C2CD2: variants seen among roughly 807,000 people sequenced by gnomAD.
C2CD2 encodes C2 calcium dependent domain containing 2.
Under a neutral mutation model 74.3 loss-of-function variants are expected in C2CD2, and 43 were observed. The ratio of observed to expected loss-of-function variants is 0.58; its 90% CI spans 0.45 to 0.75. C2CD2 has a LOEUF of 0.75. C2CD2 is among the 30% of genes least tolerant of loss of function. The pLI, the probability that C2CD2 is intolerant of heterozygous loss-of-function variation, is 0.00. For missense variants in C2CD2, 801 were observed against 916.3 expected, an observed-to-expected ratio of 0.87 and a Z score of 1.63; for synonymous variants, 422 against 390.7, an observed-to-expected ratio of 1.08 and a Z score of -0.94.
chr21:41,926,621 G>A lies in C2CD2; in HGVS notation c.379-4536C>T. 2.0e-6 allele frequency: 2 copies of A among 984,652 alleles called. No homozygotes were observed. The highest frequency in any genetic ancestry group is 4.7e-5 in the South Asian group (1 of 21,248). 61.0% of individuals were successfully genotyped at this position (984,652 alleles called of 1,614,324 possible). A position where few individuals can be genotyped will look rare whatever the true frequency, so the allele number is the denominator to read the frequency against. On this transcript the variant is annotated intron_variant, in intron 2 of 13. Coordinates refer to ENST00000380486, the MANE Select transcript of C2CD2 (RefSeq NM_015500.2). The surrounding 1 kb of genome is among the most constrained non-coding windows in gnomAD (Gnocchi z 8.0). ...AACTATTCCTTTGTTTAGACTTGGG[G>A]CCAAAAAATTCCAGGCACAGTTACT...
In C2CD2 at chr21:41,899,208, G is replaced by C. The variant is rs773896544; in HGVS notation, c.1715C>G (p.Pro572Arg). ...EAESAQASLA[P>R]KPQEDELDSW... ...GTCTAGCTCGTCCTCCTGGGGCTTGGGGGCAAGGGATGCCTGGGCTGACTC... is the reference window on the plus strand; with the variant it reads ...GTCTAGCTCGTCCTCCTGGGGCTTGCGGGCAAGGGATGCCTGGGCTGACTC... Residue 572 changes from proline to arginine, a missense_variant, in exon 13 of 14, where the codon CCC becomes CGC. Coordinates refer to ENST00000380486, the MANE Select transcript of C2CD2 (RefSeq NM_015500.2). This position sits in a 1 kb window ranked among gnomAD's most constrained non-coding sequence, Gnocchi z 4.4. 1.2e-6 allele frequency: 2 copies of C among 1,612,300 alleles called. No individual in the cohort carries two copies. Among genetic ancestry groups the C allele is most frequent in the Non-Finnish European group, 1.7e-6 (2 of 1,179,472 alleles).
intron 1 of C2CD2, among the ~76,000 whole-genome samples, chr21:41,946,268 T>A (rs922462829): frequency 1.3e-5 from 2 of 152,138 alleles, no homozygotes; most frequent in African/African-American, 4.8e-5. Context: ...GCAGGAAAGA[T>A]AAAGGAGGTG....
intron 6 of C2CD2, among the ~76,000 whole-genome samples, chr21:41,913,042 G>A (rs1373384236): frequency 1.3e-5 from 2 of 152,216 alleles, no homozygotes; most frequent in Non-Finnish European, 2.9e-5. Context: ...GGGCTCCCAG[G>A]GGGACCCTCC....
chr21:41,901,142 G>A (rs1271302268), intron 12 of C2CD2: 6 of 214,700 alleles, frequency 2.8e-5, no homozygotes, highest in East Asian at 1.1e-4. Context: ...CCCAGAGCGG[G>A]AGAAGGGGGA....
chr21:41,945,497 G>C lies in C2CD2; in HGVS notation c.280-3252C>G, dbSNP rs1378978584. On this transcript the variant is annotated intron_variant, in intron 1 of 13. Coordinates refer to ENST00000380486, the MANE Select transcript of C2CD2 (RefSeq NM_015500.2). The surrounding 1 kb of genome is among the most constrained non-coding windows in gnomAD (Gnocchi z 4.2). ...ATATTTTGTGGAAACATGAAGTAAG[G>C]AAATGAAAAAAAAAAAAAGTGGGCT... is the stretch of plus-strand genomic sequence containing the variant. 6.7e-6 allele frequency among the ~76,000 whole-genome samples: 1 copy of C among 148,324 alleles called. No homozygotes were observed. The highest frequency in any genetic ancestry group is 6.7e-5 in the Admixed American group (1 of 14,902).
Position 41,903,623 on chromosome 21 carries a change from C to T in C2CD2, c.1433-1874G>A, listed in dbSNP as rs918735580. On this transcript the variant is annotated intron_variant, in intron 11 of 13. Coordinates refer to ENST00000380486, the MANE Select transcript of C2CD2 (RefSeq NM_015500.2). The surrounding 1 kb of genome is among the most constrained non-coding windows in gnomAD (Gnocchi z 4.5). Reference sequence around the variant, plus strand: ...CTGGAGAAAGGAGTTGGGGAGGACTCCTTAGGAGAAAGCTGTGCTGTAATT... The same window carrying T: ...CTGGAGAAAGGAGTTGGGGAGGACTTCTTAGGAGAAAGCTGTGCTGTAATT... Among the ~76,000 whole-genome samples, 1 of 152,178 alleles carries T rather than the reference C, an allele frequency of 6.6e-6. No individual in the cohort carries two copies. The highest frequency in any genetic ancestry group is 1.5e-5 in the Non-Finnish European group (1 of 68,022).
At position 41,924,508 on chromosome 21, in the gene C2CD2, G is replaced by A. The variant is rs535760943; in HGVS notation, c.379-2423C>T. On this transcript the variant is annotated intron_variant, in intron 2 of 13. Coordinates refer to ENST00000380486, the MANE Select transcript of C2CD2 (RefSeq NM_015500.2). This position sits in a 1 kb window ranked among gnomAD's most constrained non-coding sequence, Gnocchi z 4.4. ...TTCCATCATCTCCAGAGTTCACAAA[G>A]GGCCAGAACAAAAAAATGTTTGTAT... 6.6e-6 allele frequency among the ~76,000 whole-genome samples: 1 copy of A among 152,180 alleles called. No homozygotes were observed. The highest frequency in any genetic ancestry group is 2.4e-5 in the African/African-American group (1 of 41,522).
chr21:41,948,750 GAAGGTCATTATATAATGCAA>G (rs1271192331), intron 1 of C2CD2, among the ~76,000 whole-genome samples: 1 of 152,044 alleles, frequency 6.6e-6, no homozygotes, highest in Non-Finnish European at 1.5e-5. Flanking sequence ...AGCACAACTG[GAAGGTCATTATATAATGCAA>G]AGACTCTGAA....
At chr21:41,927,690 C>T (rs569785641) in intron 2 of C2CD2, among the ~76,000 whole-genome samples, 10 of 152,134 alleles carry the variant, frequency 6.6e-5, no homozygotes, top group Admixed American at 3.3e-4. Flanking sequence ...AGGCTGGTCC[C>T]GAACTCCTGA....
chr21:41,935,042 C>T (rs2065295101), intron 2 of C2CD2, among the ~76,000 whole-genome samples: 1 of 152,194 alleles, frequency 6.6e-6, no homozygotes, highest in Admixed American at 6.5e-5. Flanking sequence ...CAGGCGTGCA[C>T]CACCATGCTC....
intron 13 of C2CD2, among the ~76,000 whole-genome samples, chr21:41,894,259 T>C (rs1432698462): frequency 1.3e-5 from 2 of 152,208 alleles, no homozygotes; most frequent in Non-Finnish European, 2.9e-5. Context: ...GGAGGCCTGA[T>C]CCCTACCATT....
At chr21:41,904,669 A>T (rs942991629) in intron 11 of C2CD2, among the ~76,000 whole-genome samples, 1 of 152,194 alleles carries the variant, frequency 6.6e-6, no homozygotes, top group Non-Finnish European at 1.5e-5. Context: ...GGAGGCAGTT[A>T]TGAACTTTCA....
rs538269676 is a variant in C2CD2, at chr21:41,886,987, A to T, written c.*2137T>A. 7 of 152,300 alleles carry T rather than the reference A, an allele frequency of 4.6e-5. No homozygotes were observed. Among genetic ancestry groups the T allele is most frequent in the African/African-American group, 7.2e-5 (3 of 41,556 alleles). 9.4% of individuals were successfully genotyped at this position (152,300 alleles called of 1,614,324 possible). On this transcript the variant is annotated 3_prime_UTR_variant, in exon 14 of 14. Coordinates refer to ENST00000380486, the MANE Select transcript of C2CD2 (RefSeq NM_015500.2). ...CTCCATCTCGAAAAAAAAATTTTTT[A>T]AATAAAAAAAAACTTCTGATATCCT... is the stretch of plus-strand genomic sequence containing the variant.
chr21:41,912,269 G>T, intron 7 of C2CD2, 63 bp downstream of exon 7: 1 of 953,392 alleles, frequency 1.0e-6, no homozygotes. Context: ...ATGATTTCAG[G>T]ATTTGGCGCT....
chr21:41,936,094 G>A (rs957467358), intron 2 of C2CD2, among the ~76,000 whole-genome samples: 2 of 151,734 alleles, frequency 1.3e-5, no homozygotes, highest in Admixed American at 6.6e-5. Context: ...AACAAAAACA[G>A]ACAAATGGGA....
intron 2 of C2CD2, among the ~76,000 whole-genome samples, chr21:41,937,768 A>G (rs938845389): frequency 2.0e-5 from 3 of 152,268 alleles, no homozygotes; most frequent in Non-Finnish European, 4.4e-5. Context: ...ATGGAATATT[A>G]GCCTTAAAAA....
intron 2 of C2CD2, among the ~76,000 whole-genome samples, chr21:41,930,643 A>G (rs1399153192): frequency 6.7e-6 from 1 of 149,760 alleles, no homozygotes. Flanking sequence ...CGGAGGTTGC[A>G]GTAAGCCAAG....
intron 3 of C2CD2, 156 bp from the exon 4 acceptor site, chr21:41,919,116 ATGCGCATGTGTGCATATGAGCATGTG>A: frequency 1.6e-6 from 1 of 639,770 alleles, no homozygotes; most frequent in Non-Finnish European, 2.8e-6. Flanking sequence ...GTGTGCGTGT[ATGCGCATGTGTGCATATGAGCATGTG>A]TGCTCATGTG....
At chr21:41,941,952 A>T (rs1485681266) in intron 2 of C2CD2, among the ~76,000 whole-genome samples, 195 bp downstream of exon 2, 1 of 152,196 alleles carries the variant, frequency 6.6e-6, no homozygotes, top group Non-Finnish European at 1.5e-5. Context: ...GCTCCTTTTG[A>T]AGGCGGAATA....
Sources: gnomAD v4.1 joint callset for allele counts (sites outside exome capture counted in the v4.1 genomes callset) on GRCh38, gnomAD v4.1.1 for gene constraint, Gnocchi (gnomAD v3.1) non-coding constraint, MANE v1.5 for transcripts, NCBI Gene and HGNC (gene_info 2026-07-23, HGNC 2026-07-21) for gene names.